The following SLC4A4 variants were observed in gnomAD, a reference collection of about 807,000 sequenced individuals.
SLC4A4 encodes solute carrier family 4 member 4.
In SLC4A4, 27 loss-of-function variants were observed where a neutral mutation model predicts 111.5. That is an observed-to-expected ratio of 0.24 (90% CI 0.18 to 0.33). The LOEUF is 0.33. SLC4A4 is among the 10% of genes least tolerant of loss of function. The pLI, the probability that SLC4A4 is intolerant of heterozygous loss-of-function variation, is 1.00. For missense variants in SLC4A4, 909 were observed against 1,315.5 expected (o/e 0.69, Z 4.78); for synonymous variants, 443 against 463.4 (o/e 0.96, Z 0.57).
chr4:71,230,469 A>G (rs545746475), intron 1 of SLC4A4, among the ~76,000 whole-genome samples: 27 of 152,368 alleles, frequency 1.8e-4, no homozygotes, highest in African/African-American at 5.5e-4. Flanking sequence ...AACATTGGCT[A>G]TGCACCAGAA....
chr4:71,443,114 CTCTATA>C lies in SLC4A4; in HGVS notation c.965+2343_965+2348del, dbSNP rs1219580131. On this transcript the variant is annotated intron_variant, in intron 8 of 25. Coordinates refer to ENST00000264485, the MANE Select transcript of SLC4A4 (RefSeq NM_001098484.3). ...TCTCTCTCTCTCTCTCTCTCTCTCT[CTCTATA>C]TATATATATATATATATATATATAT... is the stretch of plus-strand genomic sequence containing the variant. Among the ~76,000 whole-genome samples the C allele has an allele frequency of 6.4e-4, 58 of 90,260 alleles. No homozygotes were observed. In the East Asian group the frequency reaches 7.8e-3, roughly 12 times the overall value. 59.2% of individuals were successfully genotyped at this position (90,260 alleles called of 152,430 possible).
intron 25 of SLC4A4, among the ~76,000 whole-genome samples, chr4:71,567,371 C>G (rs1737581018): frequency 6.6e-6 from 1 of 151,664 alleles, no homozygotes. Flanking sequence ...AAAGAGGTAA[C>G]TGGCACTTTC....
intron 1 of SLC4A4, among the ~76,000 whole-genome samples, chr4:71,212,618 T>A (rs1057112243): frequency 2.6e-5 from 4 of 152,150 alleles, no homozygotes; most frequent in African/African-American, 4.8e-5. Flanking sequence ...TGAGACTAGA[T>A]GAATGAGATG....
chr4:71,567,895 C>T lies in SLC4A4; in HGVS notation c.*144C>T. 6.9e-7 allele frequency: 1 copy of T among 1,439,744 alleles called. No individual in the cohort carries two copies. The highest frequency in any genetic ancestry group is 9.5e-7 in the Non-Finnish European group (1 of 1,054,944). The allele number at this position is 1,439,744 out of a possible 1,614,324, so 89.2% of individuals were successfully genotyped here. On this transcript the variant is annotated 3_prime_UTR_variant, in exon 26 of 26. Coordinates refer to ENST00000264485, the MANE Select transcript of SLC4A4 (RefSeq NM_001098484.3). Reference sequence around the variant, plus strand: ...AAGGGAACAGAAACTACATTGTAACCTGTTTGTCTTTCTTAAAACTGACAT... The same window carrying T: ...AAGGGAACAGAAACTACATTGTAACTTGTTTGTCTTTCTTAAAACTGACAT...
intron 6 of SLC4A4, among the ~76,000 whole-genome samples, chr4:71,359,993 G>T (rs1294220010): frequency 6.6e-6 from 1 of 152,142 alleles, no homozygotes; most frequent in Non-Finnish European, 1.5e-5. Context: ...GCTCTAATCT[G>T]CTCGGGAGAG....
chr4:71,274,364 A>G (rs1182935504), intron 3 of SLC4A4, among the ~76,000 whole-genome samples: 1 of 152,178 alleles, frequency 6.6e-6, no homozygotes, highest in African/African-American at 2.4e-5. Flanking sequence ...AAGTGGACCC[A>G]TGCAGTTCAA....
chr4:71,197,463 A>G (rs1273351892), intron 1 of SLC4A4, among the ~76,000 whole-genome samples: 3 of 152,186 alleles, frequency 2.0e-5, no homozygotes, highest in African/African-American at 7.2e-5. Flanking sequence ...AATTTTACTT[A>G]TTGATTATTT....
chr4:71,210,622 G>A (rs569374627), intron 1 of SLC4A4, among the ~76,000 whole-genome samples: 1 of 152,258 alleles, frequency 6.6e-6, no homozygotes, highest in East Asian at 1.9e-4. Context: ...GAAAATCTTA[G>A]GGAAATTAAC....
chr4:71,288,518 C>A (rs1054754453), intron 3 of SLC4A4, among the ~76,000 whole-genome samples: 1 of 152,080 alleles, frequency 6.6e-6, no homozygotes, highest in Non-Finnish European at 1.5e-5. Flanking sequence ...CCTGCCTCAG[C>A]CTCCCTAGTA....
chr4:71,556,986 G>A (rs548564919), intron 21 of SLC4A4, among the ~76,000 whole-genome samples: 12 of 151,946 alleles, frequency 7.9e-5, no homozygotes, highest in African/African-American at 2.9e-4. Flanking sequence ...AGGTCAATTC[G>A]GCAGTTATTC....
At chr4:71,294,239 G>A (rs1724602757) in intron 3 of SLC4A4, among the ~76,000 whole-genome samples, 1 of 152,202 alleles carries the variant, frequency 6.6e-6, no homozygotes, top group Non-Finnish European at 1.5e-5. Context: ...GGTGTCTTCT[G>A]TGAAGCTGCC....
chr4:71,155,311 T>G (rs1448798096), intron 2 of SLC4A4, among the ~76,000 whole-genome samples: 1 of 152,106 alleles, frequency 6.6e-6, no homozygotes, highest in African/African-American at 2.4e-5. Context: ...GAATTTGAAT[T>G]AAGGTATCTC....
Position 71,447,665 on chromosome 4 carries a change from G to C in SLC4A4, c.985G>C (p.Gly329Arg). 1 of 1,611,334 alleles carries C rather than the reference G, an allele frequency of 6.2e-7. No individual in the cohort carries two copies. Among genetic ancestry groups the C allele is most frequent in the Non-Finnish European group, 8.5e-7 (1 of 1,177,780 alleles). The change falls in exon 9 of 26, where the codon GGT (glycine) becomes CGT (arginine). Residue 329 changes from glycine (G) to arginine (R), a missense_variant. By Grantham distance (125) the Gly-to-Arg change is moderately radical (BLOSUM62 -2). Coordinates refer to ENST00000264485, the MANE Select transcript of SLC4A4 (RefSeq NM_001098484.3). ...VPTRFLFILL[G>R]PKGKAKSYHE... is the part of the protein sequence containing the mutation. ...CATTAGGTTCTTGTTCATTCTCTTAGGTCCTAAGGGGAAAGCCAAGTCCTA... is the reference window on the plus strand; with the variant it reads ...CATTAGGTTCTTGTTCATTCTCTTACGTCCTAAGGGGAAAGCCAAGTCCTA...
In SLC4A4 at chr4:71,164,027, C is replaced by A. The variant is rs189726332; in HGVS notation, c.-2+71235C>A. Among the ~76,000 whole-genome samples the A allele has an allele frequency of 2.0e-5, 3 of 152,290 alleles. No individual in the cohort carries two copies. The East Asian group carries it at 5.8e-4, about 29-fold the overall frequency. On this transcript the variant is annotated intron_variant, in intron 2 of 26. Transcript: ENST00000649996. ...TTGGGAGGCCAAGGTGGGCGGATCA[C>A]CTGAGGTCAGGAGTTTGAGACCAGC...
At chr4:71,114,074 C>T (rs531941320) in intron 2 of SLC4A4, among the ~76,000 whole-genome samples, 9 of 152,180 alleles carry the variant, frequency 5.9e-5, no homozygotes, top group East Asian at 1.9e-4. Flanking sequence ...GGTGAAACCC[C>T]GTCTCTAGTA....
chr4:71,140,313 C>T (rs1743960558), intron 2 of SLC4A4, among the ~76,000 whole-genome samples: 2 of 152,056 alleles, frequency 1.3e-5, no homozygotes, highest in African/African-American at 4.8e-5. Flanking sequence ...CCCAGCTACT[C>T]AGGAGGCTGA....
intron 13 of SLC4A4, among the ~76,000 whole-genome samples, chr4:71,468,150 A>G (rs1453979577): frequency 1.3e-5 from 2 of 152,128 alleles, no homozygotes; most frequent in Non-Finnish European, 2.9e-5. Flanking sequence ...AATTATTATT[A>G]TAAATCCCTT....
chr4:71,195,759 A>G lies in SLC4A4; in HGVS notation c.-2+8358A>G, dbSNP rs1013667981. On this transcript the variant is annotated intron_variant, in intron 1 of 25. Coordinates refer to ENST00000264485, the MANE Select transcript of SLC4A4 (RefSeq NM_001098484.3). ...TTTAAAAAACAAGGGTATACTATGGATTTAGGGAAGGATACCTGTTTAACA... is the reference window on the plus strand; with the variant it reads ...TTTAAAAAACAAGGGTATACTATGGGTTTAGGGAAGGATACCTGTTTAACA... Among the ~76,000 whole-genome samples the G allele has an allele frequency of 2.0e-5, 3 of 152,320 alleles. No individual in the cohort carries two copies. The East Asian group carries it at 5.8e-4, about 29-fold the overall frequency.
At position 71,142,259 on chromosome 4, in the gene SLC4A4, C is replaced by T. The variant is rs571471877; in HGVS notation, c.-2+49467C>T. Among the ~76,000 whole-genome samples, 25 of 152,254 alleles carry T rather than the reference C, an allele frequency of 1.6e-4. No homozygotes were observed. The South Asian group carries it at 4.8e-3, about 29-fold the overall frequency. On this transcript the variant is annotated intron_variant, in intron 2 of 26. Coordinates refer to the SLC4A4 transcript ENST00000649996. ...GTTGCAAGTTTGCCTCATGAGTAGC[C>T]GCTTTCTTTTACTAAAACTAACACA...
Sources: gnomAD v4.1 joint callset for allele counts (sites outside exome capture counted in the v4.1 genomes callset) on GRCh38, gnomAD v4.1.1 for gene constraint, MANE v1.5 for transcripts, NCBI Gene and HGNC (gene_info 2026-07-23, HGNC 2026-07-21) for gene names.